The following AP3B1 variants were observed in gnomAD, a reference collection of about 807,000 sequenced individuals.
AP3B1 encodes the protein AP-3 complex subunit beta-1.
A neutral mutation model predicts 132.5 loss-of-function variants in AP3B1; 61 were observed. The observed-to-expected ratio is 0.46, with a 90% CI of 0.37 to 0.57. The LOEUF is 0.57. Ranked by LOEUF, AP3B1 falls within the 20% of genes least tolerant of loss-of-function variation. AP3B1 has a pLI of 0.00. For synonymous variants in AP3B1, 388 were observed against 438.3 expected, an observed-to-expected ratio of 0.89 and a Z score of 1.43; for missense variants, 1,120 against 1,289.4, an observed-to-expected ratio of 0.87 and a Z score of 2.01.
At chr5:78,204,873 T>A (rs1424938335) in intron 7 of AP3B1, among the ~76,000 whole-genome samples, 1 of 152,222 alleles carries the variant, frequency 6.6e-6, no homozygotes, top group Non-Finnish European at 1.5e-5. Context: ...AATGTTTGAA[T>A]GGTTGCTGTA....
intron 17 of AP3B1, among the ~76,000 whole-genome samples, chr5:78,121,430 A>G (rs1173157146): frequency 1.3e-5 from 2 of 152,234 alleles, no homozygotes; most frequent in Non-Finnish European, 2.9e-5. Context: ...AAGATCAACA[A>G]AATTGATAGA....
intron 1 of AP3B1, among the ~76,000 whole-genome samples, chr5:78,291,194 G>C (rs1231085070): frequency 6.6e-6 from 1 of 151,914 alleles, no homozygotes; most frequent in East Asian, 1.9e-4. Flanking sequence ...GAAGTACCTA[G>C]GCATCATTGA....
At chr5:78,176,716 C>T (rs1176933050) in intron 9 of AP3B1, among the ~76,000 whole-genome samples, 14 of 152,202 alleles carry the variant, frequency 9.2e-5, no homozygotes, top group Admixed American at 6.5e-4. Flanking sequence ...TGTTTTGAAT[C>T]GTTAACCTAA....
chr5:78,052,128 C>T (rs541922058), intron 22 of AP3B1, among the ~76,000 whole-genome samples: 3 of 152,216 alleles, frequency 2.0e-5, no homozygotes, highest in East Asian at 3.9e-4. Context: ...GTTTTTAATA[C>T]TAAAGATAAC....
chr5:78,004,134 G>A (rs1487974112), intron 26 of AP3B1, among the ~76,000 whole-genome samples: 1 of 152,110 alleles, frequency 6.6e-6, no homozygotes. Context: ...TATATGACAC[G>A]TGTCTGAATC....
chr5:78,192,587 A>C (rs1744887416), intron 7 of AP3B1, among the ~76,000 whole-genome samples: 1 of 152,154 alleles, frequency 6.6e-6, no homozygotes, highest in Non-Finnish European at 1.5e-5. Context: ...GGTTGCAGTG[A>C]GCCAAAATTG....
intron 22 of AP3B1, among the ~76,000 whole-genome samples, chr5:78,050,219 T>A (rs1561374866): frequency 1.3e-5 from 2 of 152,160 alleles, no homozygotes; most frequent in Non-Finnish European, 2.9e-5. Flanking sequence ...TTGGCATCCC[T>A]CCCTTCTGAT....
intron 9 of AP3B1, among the ~76,000 whole-genome samples, chr5:78,176,970 A>G (rs1744171276): frequency 6.6e-6 from 1 of 152,192 alleles, no homozygotes; most frequent in African/African-American, 2.4e-5. Flanking sequence ...ACATTGAGTA[A>G]GTCAATCTGA....
chr5:78,246,940 A>G (rs920161606), intron 2 of AP3B1, among the ~76,000 whole-genome samples: 1 of 152,072 alleles, frequency 6.6e-6, no homozygotes, highest in Non-Finnish European at 1.5e-5. Flanking sequence ...TTCTTTTCAA[A>G]CATAAGCTTT....
intron 22 of AP3B1, among the ~76,000 whole-genome samples, chr5:78,046,711 T>C (rs142867607): frequency 0.01 from 1,556 of 152,076 alleles, 14 homozygotes; most frequent in South Asian, 0.036. Flanking sequence ...AATCTTTTTT[T>C]TTTTAAAATA....
At chr5:78,143,392 A>C (rs1753235587) in intron 14 of AP3B1, among the ~76,000 whole-genome samples, 1 of 152,066 alleles carries the variant, frequency 6.6e-6, no homozygotes, top group Admixed American at 6.6e-5. Context: ...GGTGGTGAGA[A>C]TAAGATTTGT....
chr5:78,135,954 G>C (rs1290239708), intron 15 of AP3B1, among the ~76,000 whole-genome samples: 2 of 152,024 alleles, frequency 1.3e-5, no homozygotes, highest in Middle Eastern at 3.4e-3. Context: ...TCCTGTGTGA[G>C]AGTATTCTAA....
intron 19 of AP3B1, among the ~76,000 whole-genome samples, chr5:78,112,232 T>C (rs144101388): frequency 7.2e-5 from 11 of 152,320 alleles, no homozygotes; most frequent in Non-Finnish European, 1.2e-4. Context: ...ATGATTGCTA[T>C]TTATTAAAAA....
chr5:78,050,179 A>G (rs758456423), intron 22 of AP3B1, among the ~76,000 whole-genome samples: 1 of 152,112 alleles, frequency 6.6e-6, no homozygotes, highest in Non-Finnish European at 1.5e-5. Flanking sequence ...TGTCTGCTCA[A>G]ATATTACCAT....
At chr5:78,233,378 C>A (rs1001614723) in intron 3 of AP3B1, among the ~76,000 whole-genome samples, 1 of 151,588 alleles carries the variant, frequency 6.6e-6, no homozygotes. Context: ...GGATTACAGG[C>A]GCATGCCACC....
At chr5:78,234,271 A>C (rs575814556) in intron 3 of AP3B1, among the ~76,000 whole-genome samples, 13 of 152,192 alleles carry the variant, frequency 8.5e-5, no homozygotes, top group Non-Finnish European at 1.5e-4. Context: ...TTTGTGAAAC[A>C]CTGTTCCTTT....
chr5:78,114,035 A>G (rs1032486469), intron 18 of AP3B1, 112 bp from the exon 19 acceptor site: 1 of 1,164,810 alleles, frequency 8.6e-7, no homozygotes, highest in African/African-American at 1.5e-5. Flanking sequence ...ATTTTAGTTC[A>G]GTGGACACCA....
At chr5:78,292,569 G>C (rs1038530040) in intron 1 of AP3B1, among the ~76,000 whole-genome samples, 1 of 152,122 alleles carries the variant, frequency 6.6e-6, no homozygotes, top group African/African-American at 2.4e-5. Context: ...TAACAACCTT[G>C]CTCCAATTTC....
At position 78,039,157 on chromosome 5, in the gene AP3B1, T is replaced by A; in HGVS notation, c.2695A>T (p.Met899Leu). 1.2e-6 allele frequency: 2 copies of A among 1,613,756 alleles called. No homozygotes were observed. Among genetic ancestry groups the A allele is most frequent in the East Asian group, 4.5e-5 (2 of 44,872 alleles). Residue 899 changes from methionine (M) to leucine (L), a missense_variant, in exon 23 of 27, where the codon ATG becomes TTG. Met to Leu is a conservative substitution (Grantham distance 15). Transcript: ENST00000255194. ...PRQPCIFGDK[M>L]VSIQITLNNT... ...TTCAGTGTTATTTGTATAGAGACCATCTTATCACCAAAAATGCAAGGCTGT... is the reference window on the plus strand; with the variant it reads ...TTCAGTGTTATTTGTATAGAGACCAACTTATCACCAAAAATGCAAGGCTGT...
Sources: gnomAD v4.1 joint callset for allele counts (sites outside exome capture counted in the v4.1 genomes callset) on GRCh38, gnomAD v4.1.1 for gene constraint, MANE v1.5 for transcripts, NCBI Gene and HGNC (gene_info 2026-07-23, HGNC 2026-07-21) for gene names.